Variants in STPG2 observed in about 807,000 individuals in gnomAD.
STPG2 encodes sperm tail PG-rich repeat containing 2, also known as sperm-tail PG-rich repeat-containing protein 2.
Under a neutral mutation model 54.2 loss-of-function variants are expected in STPG2, and 56 were observed. The observed-to-expected ratio is 1.03, with a 90% confidence interval of 0.83 to 1.29. The LOEUF (loss-of-function observed/expected upper bound fraction) is 1.29, where lower values mean the gene tolerates loss of function less well. STPG2 is among the 50% of genes most tolerant of loss of function. The pLI is 0.00. For missense variants in STPG2, 596 were observed against 544.9 expected (o/e 1.09, Z -0.93); for synonymous variants, 200 against 181.8 (o/e 1.10, Z -0.81).
chr4:97,816,011 C>G (rs1727894847), intron 9 of STPG2, among the ~76,000 whole-genome samples: 1 of 152,104 alleles, frequency 6.6e-6, no homozygotes, highest in Admixed American at 6.6e-5. Flanking sequence ...GGTATTTCTC[C>G]TAATGCTATC....
At chr4:97,742,606 C>G (rs1725295553) in intron 9 of STPG2, among the ~76,000 whole-genome samples, 2 of 146,590 alleles carry the variant, frequency 1.4e-5, no homozygotes, top group Non-Finnish European at 3.0e-5. Flanking sequence ...TTAAAAAGAT[C>G]TTACCTTTTG....
intron 10 of STPG2, among the ~76,000 whole-genome samples, chr4:97,650,887 T>TA (rs1311672829): frequency 4.6e-5 from 7 of 152,130 alleles, no homozygotes; most frequent in African/African-American, 1.7e-4. Flanking sequence ...CAAGTAATGT[T>TA]ATGTCAGAGT....
Position 97,975,388 on chromosome 4 carries a change from T to G in STPG2, c.773-2948A>C, listed in dbSNP as rs79157758. Among the ~76,000 whole-genome samples, 1,074 of 152,258 alleles carry G rather than the reference T, an allele frequency of 7.1e-3. 10 individuals are homozygous for G. The highest frequency in any genetic ancestry group is 0.023 in the African/African-American group (948 of 41,548). ...TACATTTCACAAAAAAATTAATATA[T>G]CCTATCATTTGACCTCCCTGTCACA... On this transcript the variant is annotated intron_variant, in intron 6 of 10. Transcript: ENST00000295268.
At chr4:97,525,209 T>C (rs1043918000) in intron 4 of STPG2, among the ~76,000 whole-genome samples, 17 of 151,870 alleles carry the variant, frequency 1.1e-4, no homozygotes, top group African/African-American at 3.9e-4. Context: ...TTTAATTTAA[T>C]ATATTTAACT....
At chr4:97,672,452 A>C (rs1238306330) in intron 10 of STPG2, among the ~76,000 whole-genome samples, 1 of 152,160 alleles carries the variant, frequency 6.6e-6, no homozygotes, top group Non-Finnish European at 1.5e-5. Context: ...TACTGGGATT[A>C]CAGGCATGAG....
chr4:97,929,073 C>A (rs752415972), intron 8 of STPG2, among the ~76,000 whole-genome samples: 8 of 152,034 alleles, frequency 5.3e-5, no homozygotes, highest in Non-Finnish European at 1.0e-4. Context: ...GTACTGTTTC[C>A]TCCTTTGTGT....
chr4:97,893,436 C>A (rs1730843348), intron 8 of STPG2, among the ~76,000 whole-genome samples: 1 of 152,116 alleles, frequency 6.6e-6, no homozygotes, highest in South Asian at 2.1e-4. Context: ...GTTTATTTCT[C>A]TTTCGTTTAA....
chr4:97,683,482 A>T (rs1723094785), intron 10 of STPG2, among the ~76,000 whole-genome samples: 1 of 151,900 alleles, frequency 6.6e-6, no homozygotes, highest in Non-Finnish European at 1.5e-5. Context: ...GATATCTCTC[A>T]TTAACATATT....
intron 10 of STPG2, among the ~76,000 whole-genome samples, chr4:97,672,211 T>A (rs1722720860): frequency 6.7e-6 from 1 of 148,626 alleles, no homozygotes; most frequent in East Asian, 2.0e-4. Context: ...TTCACTCTTG[T>A]TGCCCCGGCT....
In STPG2 at chr4:97,579,439, G is replaced by A. The variant is rs1220755354; in HGVS notation, c.1321-20322C>T. Among the ~76,000 whole-genome samples the A allele has an allele frequency of 2.6e-5, 4 of 152,066 alleles. No individual in the cohort carries two copies. In the East Asian group the frequency reaches 5.8e-4, roughly 22 times the overall value. On this transcript the variant is annotated intron_variant, in intron 10 of 10. Coordinates refer to ENST00000295268, the MANE Select transcript of STPG2 (RefSeq NM_174952.3). ...AATATATCTAAATAGGAGTTTTGGA[G>A]TGAATAAAATACTTATCTTGTTTGA...
chr4:97,830,911 C>T (rs1026152060), intron 9 of STPG2, among the ~76,000 whole-genome samples: 5 of 152,122 alleles, frequency 3.3e-5, no homozygotes, highest in Admixed American at 2.0e-4. Context: ...TAGACTCCCA[C>T]ACAATAATAG....
intron 4 of STPG2, among the ~76,000 whole-genome samples, chr4:97,468,640 G>A (rs1455633574): frequency 1.3e-5 from 2 of 151,974 alleles, no homozygotes; most frequent in Non-Finnish European, 2.9e-5. Flanking sequence ...CAGATTTTCT[G>A]GAGGTGGTCA....
intron 4 of STPG2, among the ~76,000 whole-genome samples, chr4:97,505,447 T>C (rs749526253): frequency 5.3e-5 from 8 of 151,748 alleles, no homozygotes; most frequent in Non-Finnish European, 1.0e-4. Context: ...GAAAAATTAA[T>C]AGAGAGAAAA....
chr4:97,995,155 C>T (rs1184864045), intron 5 of STPG2, among the ~76,000 whole-genome samples: 2 of 151,276 alleles, frequency 1.3e-5, no homozygotes, highest in Non-Finnish European at 2.9e-5. Flanking sequence ...GTCTCACTCC[C>T]ACCATTGCCC....
At position 97,453,463 on chromosome 4, in the gene STPG2, G is replaced by A. The variant is rs1729430276; in HGVS notation, c.462+259236C>T. ...TGAGTGGGCAGAACCAGCCCAGCGG[G>A]CCTGAGCAAAACTCGGGCAAAGGCA... On this transcript the variant is annotated intron_variant, in intron 4 of 4. Transcript: ENST00000522676. Among the ~76,000 whole-genome samples, 5 of 152,154 alleles carry A rather than the reference G, an allele frequency of 3.3e-5. No individual in the cohort carries two copies. In the South Asian group the frequency reaches 1.0e-3, roughly 32 times the overall value.
chr4:97,729,473 A>T (rs1401278346), intron 9 of STPG2, among the ~76,000 whole-genome samples: 4 of 152,164 alleles, frequency 2.6e-5, no homozygotes, highest in Non-Finnish European at 5.9e-5. Flanking sequence ...CTTTGGAATC[A>T]GATTAATTTT....
intron 4 of STPG2, among the ~76,000 whole-genome samples, chr4:97,443,543 A>G: frequency 6.6e-6 from 1 of 152,162 alleles, no homozygotes; most frequent in East Asian, 1.9e-4. Flanking sequence ...AAGGGACTCT[A>G]GTTAATATCT....
intron 8 of STPG2, among the ~76,000 whole-genome samples, chr4:97,883,417 G>C (rs1265561328): frequency 6.6e-6 from 1 of 151,702 alleles, no homozygotes; most frequent in Non-Finnish European, 1.5e-5. Context: ...AATAGAGAGA[G>C]AGAGAAAGCA....
At chr4:97,811,159 C>T (rs1360853664) in intron 9 of STPG2, among the ~76,000 whole-genome samples, 1 of 151,720 alleles carries the variant, frequency 6.6e-6, no homozygotes, top group African/African-American at 2.4e-5. Flanking sequence ...GTTTTTGCTG[C>T]CCCAAAAAGG....
Sources: allele counts gnomAD v4.1 joint callset (sites outside exome capture counted in the v4.1 genomes callset), GRCh38; gene constraint gnomAD v4.1.1; transcripts MANE v1.5; gene names NCBI Gene and HGNC (gene_info 2026-07-23, HGNC 2026-07-21).